REEP1: variants seen among roughly 807,000 people sequenced by gnomAD.
REEP1 encodes receptor expression-enhancing protein 1.
Under a neutral mutation model 40.3 loss-of-function variants are expected in REEP1, and 22 were observed. The observed-to-expected ratio is 0.55, with a 90% CI of 0.39 to 0.78. REEP1 has a LOEUF of 0.78. REEP1 is among the 30% of genes least tolerant of loss of function. The pLI, the probability that REEP1 is intolerant of heterozygous loss-of-function variation, is 0.00. For synonymous variants in REEP1, 116 were observed against 139.2 expected (o/e 0.83, Z 1.17); for missense variants, 280 against 361.1 (o/e 0.78, Z 1.82).
intron 3 of REEP1, among the ~76,000 whole-genome samples, chr2:86,263,447 C>A (rs1018768356): frequency 5.3e-5 from 8 of 152,090 alleles, no homozygotes; most frequent in African/African-American, 1.9e-4. Flanking sequence ...CCATGTTAGC[C>A]AGGCTGGTCT....
intron 5 of REEP1, among the ~76,000 whole-genome samples, chr2:86,250,801 C>T (rs892003215): frequency 3.9e-5 from 6 of 152,140 alleles, no homozygotes; most frequent in Non-Finnish European, 5.9e-5. Flanking sequence ...AGCAACTACC[C>T]GGCCCAGTGT....
At chr2:86,238,822 GT>G (rs1353770449) in intron 5 of REEP1, among the ~76,000 whole-genome samples, 6 of 152,160 alleles carry the variant, frequency 3.9e-5, no homozygotes, top group African/African-American at 1.2e-4. Context: ...AGGAATGTGT[GT>G]TAGTATTTGT....
At chr2:86,217,287 A>T (rs1366988016) in intron 8 of REEP1, among the ~76,000 whole-genome samples, 177 bp from the exon 9 acceptor site, 1 of 152,152 alleles carries the variant, frequency 6.6e-6, no homozygotes, top group African/African-American at 2.4e-5. Flanking sequence ...GTCCCATCCC[A>T]CATATCGCAT....
chr2:86,254,675 A>C lies in REEP1; in HGVS notation c.303+19T>G. On this transcript the variant is annotated intron_variant, in intron 4 of 8. Coordinates refer to ENST00000538924, the MANE Select transcript of REEP1 (RefSeq NM_001371279.1). Reference sequence around the variant, plus strand: ...TCTCACTTGCTAGAAAGAATGAAAGACATGGCAGCATATATTACCTTTTCT... The same window carrying C: ...TCTCACTTGCTAGAAAGAATGAAAGCCATGGCAGCATATATTACCTTTTCT... 1 of 1,611,086 alleles carries C rather than the reference A, an allele frequency of 6.2e-7. No homozygotes were observed.
At chr2:86,297,041 A>G (rs564570299) in intron 1 of REEP1, among the ~76,000 whole-genome samples, 2 of 152,154 alleles carry the variant, frequency 1.3e-5, no homozygotes, top group Non-Finnish European at 2.9e-5. Flanking sequence ...CACGTTGTGC[A>G]CGTCAGGCAT....
At chr2:86,261,487 A>G (rs1031686242) in intron 3 of REEP1, among the ~76,000 whole-genome samples, 1 of 152,230 alleles carries the variant, frequency 6.6e-6, no homozygotes, top group Admixed American at 6.5e-5. Context: ...TAAATGGATT[A>G]AGGGCTGTGC....
chr2:86,336,568 TGGTTAG>T (rs1681043285), intron 1 of REEP1, among the ~76,000 whole-genome samples: 1 of 152,138 alleles, frequency 6.6e-6, no homozygotes, highest in Non-Finnish European at 1.5e-5. Context: ...CAGGCCAGGA[TGGTTAG>T]GGAAGAACAG....
At chr2:86,309,622 G>A (rs1306136365) in intron 1 of REEP1, among the ~76,000 whole-genome samples, 2 of 152,172 alleles carry the variant, frequency 1.3e-5, no homozygotes, top group African/African-American at 4.8e-5. Flanking sequence ...TGCCAGCATG[G>A]TCAGGTTCTG....
At chr2:86,279,768 A>C (rs1467938071) in intron 2 of REEP1, among the ~76,000 whole-genome samples, 1 of 152,160 alleles carries the variant, frequency 6.6e-6, no homozygotes, top group East Asian at 1.9e-4. Flanking sequence ...TAGGAACTGG[A>C]AAAGGCAAGG....
intron 1 of REEP1, among the ~76,000 whole-genome samples, chr2:86,315,819 G>T (rs80232922): frequency 0.044 from 6,648 of 152,248 alleles, 490 homozygotes; most frequent in African/African-American, 0.15. Context: ...GTCCTGGCTG[G>T]TTTCAGTCAA....
chr2:86,254,899 G>A, intron 3 of REEP1, 85 bp from the exon 4 acceptor site: 1 of 1,491,608 alleles, frequency 6.7e-7, no homozygotes, highest in African/African-American at 1.4e-5. Context: ...GGGTGGCAAG[G>A]ACGCCTCTCC....
intron 5 of REEP1, among the ~76,000 whole-genome samples, chr2:86,233,055 TGATGATAC>T (rs983803748): frequency 2.0e-5 from 3 of 152,274 alleles, no homozygotes; most frequent in Middle Eastern, 3.4e-3. Flanking sequence ...GACACCACTA[TGATGATAC>T]GATGATACGA....
At chr2:86,287,943 T>C (rs1461272823) in intron 1 of REEP1, among the ~76,000 whole-genome samples, 1 of 152,248 alleles carries the variant, frequency 6.6e-6, no homozygotes, top group Non-Finnish European at 1.5e-5. Flanking sequence ...GATATGTTTT[T>C]TCATTCAAAC....
intron 3 of REEP1, among the ~76,000 whole-genome samples, chr2:86,259,895 A>G (rs1290215913): frequency 6.6e-6 from 1 of 152,208 alleles, no homozygotes; most frequent in African/African-American, 2.4e-5. Flanking sequence ...TGAGGAAAAG[A>G]AGGTCCATAC....
At chr2:86,321,826 C>T (rs576184251) in intron 1 of REEP1, among the ~76,000 whole-genome samples, 2 of 152,262 alleles carry the variant, frequency 1.3e-5, no homozygotes, top group South Asian at 2.1e-4. Context: ...AAGCATGATA[C>T]TTTATGGGAA....
chr2:86,240,755 T>C (rs1280648982), intron 5 of REEP1, among the ~76,000 whole-genome samples: 2 of 152,200 alleles, frequency 1.3e-5, no homozygotes, highest in African/African-American at 2.4e-5. Flanking sequence ...GAGAACATCC[T>C]AGATATGCCA....
At chr2:86,316,103 G>A (rs1476258830) in intron 1 of REEP1, among the ~76,000 whole-genome samples, 1 of 152,164 alleles carries the variant, frequency 6.6e-6, no homozygotes, top group Non-Finnish European at 1.5e-5. Flanking sequence ...CTGATGCTCT[G>A]GTGACAATCT....
intron 1 of REEP1, among the ~76,000 whole-genome samples, chr2:86,308,466 G>A (rs1057480238): frequency 2.0e-5 from 3 of 152,182 alleles, no homozygotes; most frequent in South Asian, 2.1e-4. Flanking sequence ...GAGGTGGGAC[G>A]ATCGCTTGAG....
intron 2 of REEP1, among the ~76,000 whole-genome samples, chr2:86,274,762 C>A (rs906998785): frequency 2.0e-5 from 3 of 152,132 alleles, no homozygotes; most frequent in African/African-American, 7.2e-5. Context: ...ACAAATGGAA[C>A]GTTGACAGTA....
Sources: gnomAD v4.1 joint callset for allele counts (sites outside exome capture counted in the v4.1 genomes callset) on GRCh38, gnomAD v4.1.1 for gene constraint, MANE v1.5 for transcripts, NCBI Gene and HGNC (gene_info 2026-07-23, HGNC 2026-07-21) for gene names.